The following SYT9 variants were observed in gnomAD, a reference collection of about 807,000 sequenced individuals.
SYT9 encodes synaptotagmin-9.
SYT9 carries 22 observed loss-of-function variants against 48.4 expected under a neutral mutation model. That is an observed-to-expected ratio of 0.45 (90% CI 0.32 to 0.65). SYT9 has a LOEUF of 0.65. SYT9 is among the 30% of genes least tolerant of loss of function. SYT9 has a pLI of 0.03. For missense variants in SYT9, 577 were observed against 622.0 expected, an observed-to-expected ratio of 0.93 and a Z score of 0.77; for synonymous variants, 265 against 245.0, an observed-to-expected ratio of 1.08 and a Z score of -0.76.
chr11:7,332,680 C>G (rs1849561117), intron 3 of SYT9, among the ~76,000 whole-genome samples: 1 of 152,180 alleles, frequency 6.6e-6, no homozygotes, highest in African/African-American at 2.4e-5. Context: ...GCACAGCAGG[C>G]TGGATGCTCC....
chr11:7,247,338 A>G (rs1193961729), upstream of SYT9, among the ~76,000 whole-genome samples: 1 of 151,764 alleles, frequency 6.6e-6, no homozygotes, highest in Non-Finnish European at 1.5e-5. Context: ...CTTGTGAGTG[A>G]GAACATAAGA....
chr11:7,322,407 T>A (rs1017940), intron 3 of SYT9, among the ~76,000 whole-genome samples: 1 of 152,168 alleles, frequency 6.6e-6, no homozygotes, highest in East Asian at 1.9e-4. Context: ...CCTTCTATAA[T>A]GTGGGTGAAG....
At chr11:7,388,635 AT>A (rs1213988916) in intron 3 of SYT9, among the ~76,000 whole-genome samples, 1 of 152,114 alleles carries the variant, frequency 6.6e-6, no homozygotes, top group Non-Finnish European at 1.5e-5. Flanking sequence ...TCTCAATATA[AT>A]TTTTTAGCAT....
At chr11:7,421,293 TA>T (rs36069471) in intron 6 of SYT9, among the ~76,000 whole-genome samples, 4,549 of 152,302 alleles carry the variant, frequency 0.03, 139 homozygotes, top group East Asian at 0.16. Flanking sequence ...ATATGGCTGC[TA>T]AGCTCCAACC....
intron 1 of SYT9, among the ~76,000 whole-genome samples, chr11:7,302,314 A>G (rs1848936999): frequency 6.6e-6 from 1 of 152,180 alleles, no homozygotes; most frequent in Non-Finnish European, 1.5e-5. Flanking sequence ...CTGGCTTGAT[A>G]ATGTACCTTT....
intron 3 of SYT9, among the ~76,000 whole-genome samples, chr11:7,397,822 T>C (rs1001293955): frequency 6.6e-6 from 1 of 152,230 alleles, no homozygotes; most frequent in African/African-American, 2.4e-5. Flanking sequence ...ATAAAAATCA[T>C]ATTGCTTTTG....
intron 1 of SYT9, among the ~76,000 whole-genome samples, chr11:7,279,256 C>A (rs1848450218): frequency 6.6e-6 from 1 of 152,184 alleles, no homozygotes; most frequent in South Asian, 2.1e-4. Flanking sequence ...CTTAGTAAAA[C>A]AAAGTCTTGG....
chr11:7,259,445 A>T (rs1001675072), intron 1 of SYT9, among the ~76,000 whole-genome samples: 1 of 151,516 alleles, frequency 6.6e-6, no homozygotes, highest in East Asian at 1.9e-4. Flanking sequence ...TTTTGGGAAA[A>T]TTTTTTCATG....
Position 7,303,163 on chromosome 11 carries a change from T to C in SYT9, c.270T>C (p.Gly90=), listed in dbSNP as rs1302055449. The part of the protein sequence containing the change: ...VPWRERGLPS[G]SKDNNQEPLN... ...GGCGAGAACGAGGCCTGCCCTCTGG[T>C]AGCAAAGACAACAACCAGGAGCCCC... The change falls in exon 2 of 7, where the codon GGT becomes GGC. Residue 90 remains glycine (G), a synonymous_variant. Coordinates refer to ENST00000318881, the MANE Select transcript of SYT9 (RefSeq NM_175733.4). 2 of 1,614,018 alleles carry C rather than the reference T, an allele frequency of 1.2e-6. No homozygotes were observed. Among genetic ancestry groups the C allele is most frequent in the South Asian group, 1.1e-5 (1 of 91,070 alleles).
At chr11:7,257,374 G>C (rs1189130394) in intron 1 of SYT9, among the ~76,000 whole-genome samples, 1 of 152,068 alleles carries the variant, frequency 6.6e-6, no homozygotes, top group Non-Finnish European at 1.5e-5. Flanking sequence ...CCACCAATCT[G>C]AGAGGGGAAA....
chr11:7,323,387 A>G (rs745532042), intron 3 of SYT9, among the ~76,000 whole-genome samples: 8 of 152,256 alleles, frequency 5.3e-5, no homozygotes, highest in Non-Finnish European at 1.2e-4. Flanking sequence ...ATTCACAATA[A>G]TACTATGCAT....
chr11:7,404,308 T>C (rs1360245219), intron 3 of SYT9, among the ~76,000 whole-genome samples: 1 of 152,190 alleles, frequency 6.6e-6, no homozygotes, highest in African/African-American at 2.4e-5. Flanking sequence ...ATTGGGATAG[T>C]TTAGTTTAAA....
intron 6 of SYT9, among the ~76,000 whole-genome samples, chr11:7,437,157 T>C (rs146293023): frequency 1.3e-5 from 2 of 152,314 alleles, no homozygotes; most frequent in Non-Finnish European, 2.9e-5. Flanking sequence ...AAGGATAACT[T>C]TTCCAGAGAT....
chr11:7,399,217 G>C (rs1359477549), intron 3 of SYT9, among the ~76,000 whole-genome samples: 1 of 152,162 alleles, frequency 6.6e-6, no homozygotes, highest in Non-Finnish European at 1.5e-5. Context: ...TATGGTGTTG[G>C]AATGAACACC....
intron 6 of SYT9, among the ~76,000 whole-genome samples, chr11:7,464,201 C>T (rs1848288393): frequency 6.6e-6 from 1 of 152,152 alleles, no homozygotes. Context: ...ATGCATGTCA[C>T]TAGCTGGGGG....
chr11:7,282,281 T>C (rs1475504134), intron 1 of SYT9, among the ~76,000 whole-genome samples: 1 of 152,086 alleles, frequency 6.6e-6, no homozygotes, highest in Non-Finnish European at 1.5e-5. Flanking sequence ...AACCAAATAA[T>C]CTTTTGGCTG....
At chr11:7,304,656 C>T (rs1849001176) in intron 2 of SYT9, among the ~76,000 whole-genome samples, 1 of 152,112 alleles carries the variant, frequency 6.6e-6, no homozygotes, top group Non-Finnish European at 1.5e-5. Flanking sequence ...AATTCTGAAT[C>T]AAAGAGCCAA....
chr11:7,356,388 A>C (rs1458395078), intron 3 of SYT9, among the ~76,000 whole-genome samples: 1 of 152,210 alleles, frequency 6.6e-6, no homozygotes, highest in Admixed American at 6.5e-5. Flanking sequence ...AATTATGAGC[A>C]ATTAACATCA....
chr11:7,454,424 A>G (rs550394045), intron 6 of SYT9: 59 of 480,044 alleles, frequency 1.2e-4, no homozygotes, highest in African/African-American at 1.2e-3. Context: ...CTATCCCCAC[A>G]TCCTATCCCA....
Sources: gnomAD v4.1 joint callset for allele counts (sites outside exome capture counted in the v4.1 genomes callset) on GRCh38, gnomAD v4.1.1 for gene constraint, MANE v1.5 for transcripts, NCBI Gene and HGNC (gene_info 2026-07-23, HGNC 2026-07-21) for gene names.